KYAT3: variants seen among roughly 807,000 people sequenced by gnomAD.
The protein encoded by KYAT3 is kynurenine aminotransferase 3, also known as kynurenine--oxoglutarate transaminase 3.
Under a neutral mutation model 59.0 loss-of-function variants are expected in KYAT3, and 50 were observed. That is an observed-to-expected ratio of 0.85 (90% CI 0.68 to 1.07). The LOEUF (loss-of-function observed/expected upper bound fraction) is 1.07. KYAT3 is among the 50% of genes least tolerant of loss of function. The pLI, the probability that KYAT3 is intolerant of heterozygous loss-of-function variation, is 0.00. For missense variants in KYAT3, 497 were observed against 533.3 expected, an observed-to-expected ratio of 0.93 and a Z score of 0.67; for synonymous variants, 148 against 177.0, an observed-to-expected ratio of 0.84 and a Z score of 1.30.
At position 88,961,430 on chromosome 1, in the gene KYAT3, G is replaced by C; in HGVS notation, c.617C>G (p.Ser206Cys). 1 of 1,613,880 alleles carries C rather than the reference G, an allele frequency of 6.2e-7. No individual in the cohort carries two copies. ...ATTTAGTATAATAGCTTTGGTTTTG[G>C]AATTAAATTTACTTTCCAGTTCTTG... is the stretch of plus-strand genomic sequence containing the variant. The part of the protein sequence containing the change: ...DPQELESKFN[S>C]KTKAIILNTP... The change falls in exon 7 of 14, where the codon TCC (serine) becomes TGC (cysteine). Residue 206 changes from serine (S) to cysteine (C), a missense_variant. Coordinates refer to ENST00000260508, the MANE Select transcript of KYAT3 (RefSeq NM_001008661.3).
the KYAT3 span, among the ~76,000 whole-genome samples, chr1:88,922,120 G>A: frequency 6.6e-6 from 1 of 152,124 alleles, no homozygotes; most frequent in Non-Finnish European, 1.5e-5. Flanking sequence ...GCTGAAGTGG[G>A]AAGATTGCTT....
At chr1:88,986,021 A>G (rs1677427961) in intron 2 of KYAT3, among the ~76,000 whole-genome samples, 1 of 152,048 alleles carries the variant, frequency 6.6e-6, no homozygotes, top group South Asian at 2.1e-4. Context: ...TCTCTACAAA[A>G]AATACAAATA....
At chr1:88,945,195 ATATAAT>A (rs1455999703) in intron 11 of KYAT3, among the ~76,000 whole-genome samples, 1 of 152,214 alleles carries the variant, frequency 6.6e-6, no homozygotes, top group East Asian at 1.9e-4. Flanking sequence ...AAGGGAATAA[ATATAAT>A]TATAAAGGTT....
intron 10 of KYAT3, among the ~76,000 whole-genome samples, chr1:88,951,632 T>A (rs6428487): frequency 0.46 from 69,843 of 150,844 alleles, 16,340 homozygotes; most frequent in Admixed American, 0.5. Flanking sequence ...TTCCATAATA[T>A]ATATTAAAAA....
Position 88,936,184 on chromosome 1 carries a change from C to G in KYAT3, c.1364G>C (p.Ter455SerextTer27). The change falls in exon 14 of 14, where the codon TGA becomes TCA. Residue 455 changes from the stop codon to serine, a stop_lost. Transcript: ENST00000260508. ...IIKAWSVQKS[*>S] ...AAACATTAATCCATTCTGCACAAATCAAGACTTCTGTACACTCCATGCCTT... is the reference window on the plus strand; with the variant it reads ...AAACATTAATCCATTCTGCACAAATGAAGACTTCTGTACACTCCATGCCTT... 4.4e-6 allele frequency: 7 copies of G among 1,605,342 alleles called. No homozygotes were observed. Among genetic ancestry groups the G allele is most frequent in the Non-Finnish European group, 6.0e-6 (7 of 1,173,190 alleles).
chr1:88,975,445 C>A (rs965245515), intron 2 of KYAT3, among the ~76,000 whole-genome samples: 6 of 152,156 alleles, frequency 3.9e-5, no homozygotes, highest in African/African-American at 1.4e-4. Flanking sequence ...GCCACAGCGC[C>A]CAGCCCCACA....
chr1:88,963,703 A>G (rs1676234688), intron 5 of KYAT3, among the ~76,000 whole-genome samples: 2 of 152,212 alleles, frequency 1.3e-5, no homozygotes, highest in South Asian at 2.1e-4. Flanking sequence ...CATAGAATCT[A>G]TCTTTAAAAC....
At chr1:88,949,501 G>C (rs1339014498) in intron 10 of KYAT3, among the ~76,000 whole-genome samples, 1 of 152,196 alleles carries the variant, frequency 6.6e-6, no homozygotes, top group Non-Finnish European at 1.5e-5. Context: ...CTGAGAAGGA[G>C]TCCTGAAAAT....
intron 2 of KYAT3, among the ~76,000 whole-genome samples, chr1:88,986,883 CT>C (rs1156942287): frequency 6.6e-6 from 1 of 152,186 alleles, no homozygotes; most frequent in African/African-American, 2.4e-5. Flanking sequence ...GAATATTTAT[CT>C]TTATCCCTGT....
chr1:88,940,712 GA>G (rs1344493876), intron 13 of KYAT3, among the ~76,000 whole-genome samples: 1 of 152,186 alleles, frequency 6.6e-6, no homozygotes, highest in Non-Finnish European at 1.5e-5. Flanking sequence ...AAAATGACAG[GA>G]GTAAATGAGG....
downstream of KYAT3, chr1:88,935,691 T>C (rs560395471): frequency 7.6e-6 from 2 of 263,990 alleles, no homozygotes; most frequent in African/African-American, 4.4e-5. Context: ...GGGGAGGAAC[T>C]ACAGGTGGGT....
At chr1:88,982,842 TTGAG>T (rs765427824) in intron 2 of KYAT3, 9 of 1,614,006 alleles carry the variant, frequency 5.6e-6, no homozygotes, top group Non-Finnish European at 6.8e-6. Flanking sequence ...CTTCGGCTGC[TTGAG>T]TAACTGTCTC....
Position 88,955,153 on chromosome 1 carries a change from C to CA in KYAT3, c.859dup (p.Trp287LeufsTer42). On this transcript the variant is annotated frameshift_variant, in exon 9 of 14. Coordinates refer to ENST00000260508, the MANE Select transcript of KYAT3 (RefSeq NM_001008661.3). LOFTEE classifies it high-confidence loss of function. ...TTAAATTCTTACTCATCTTACCTTCCAGCCAGTTACACTGAAAGTCTTTCC... is the reference window on the plus strand; with the variant it reads ...TTAAATTCTTACTCATCTTACCTTCCAAGCCAGTTACACTGAAAGTCTTTCC... 6.3e-7 allele frequency: 1 copy of CA among 1,599,726 alleles called. No individual in the cohort carries two copies. Among genetic ancestry groups the CA allele is most frequent in the Non-Finnish European group, 8.6e-7 (1 of 1,167,272 alleles).
intron 11 of KYAT3, among the ~76,000 whole-genome samples, chr1:88,945,058 G>T (rs1160419387): frequency 6.6e-6 from 1 of 151,982 alleles, no homozygotes; most frequent in Non-Finnish European, 1.5e-5. Context: ...TGGTCAGGCT[G>T]GTCTCAAACT....
At chr1:88,932,683 A>C (rs181755271), downstream of KYAT3, among the ~76,000 whole-genome samples, 11 of 152,120 alleles carry the variant, frequency 7.2e-5, no homozygotes, top group African/African-American at 2.7e-4. Flanking sequence ...TTTTGTGGAG[A>C]TAAGGTCTCA....
Position 88,961,392 on chromosome 1 carries a change from G to T in KYAT3, c.655C>A (p.Pro219Thr), listed in dbSNP as rs761270970. 2 of 1,613,846 alleles carry T rather than the reference G, an allele frequency of 1.2e-6. No homozygotes were observed. The highest frequency in any genetic ancestry group is 1.7e-6 in the Non-Finnish European group (2 of 1,179,894). ...TGAGACTTGCTTACCTTGCCAAGTGGGTTATGTGGAGTATTTAGTATAATA... is the reference window on the plus strand; with the variant it reads ...TGAGACTTGCTTACCTTGCCAAGTGTGTTATGTGGAGTATTTAGTATAATA... ...KAIILNTPHNPLGKVYNREEL... is the reference protein window; with the variant it reads ...KAIILNTPHNTLGKVYNREEL... The change falls in exon 7 of 14, where the codon CCA becomes ACA. Residue 219 changes from proline to threonine, a missense_variant. By Grantham distance (38) the Pro-to-Thr change is conservative. This residue lies in a region of KYAT3 where 469 missense variants were observed against 479.1 expected (regional missense o/e 0.98). Transcript: ENST00000260508.
At chr1:88,976,411 A>G (rs1485140506) in intron 2 of KYAT3, among the ~76,000 whole-genome samples, 2 of 152,046 alleles carry the variant, frequency 1.3e-5, no homozygotes, top group African/African-American at 2.4e-5. Context: ...CTGTTGTAAC[A>G]TTGTGGCATG....
At chr1:88,938,257 C>A (rs1488082161) in intron 13 of KYAT3, among the ~76,000 whole-genome samples, 1 of 152,202 alleles carries the variant, frequency 6.6e-6, no homozygotes, top group Non-Finnish European at 1.5e-5. Context: ...TCCCACCTAT[C>A]TTCCTCAGCC....
intron 2 of KYAT3, among the ~76,000 whole-genome samples, chr1:88,973,996 A>C (rs560478983): frequency 1.3e-5 from 2 of 152,310 alleles, no homozygotes; most frequent in South Asian, 4.1e-4. Context: ...TCAAGTCTTC[A>C]TCCAGAGAAG....
Sources: allele counts gnomAD v4.1 joint callset (sites outside exome capture counted in the v4.1 genomes callset), GRCh38; gene constraint gnomAD v4.1.1; regional missense constraint gnomAD v4.1.1; transcripts MANE v1.5; gene names NCBI Gene and HGNC (gene_info 2026-07-23, HGNC 2026-07-21).